CNTN6: variants seen among roughly 807,000 people sequenced by gnomAD.
The protein encoded by CNTN6 is contactin 6.
A neutral mutation model predicts 122.8 loss-of-function variants in CNTN6; 137 were observed. The ratio of observed to expected loss-of-function variants is 1.12; its 90% CI spans 0.97 to 1.29. The LOEUF is 1.29. Among genes scored for constraint, CNTN6 ranks in the 50% most tolerant of loss-of-function variants. The pLI is 0.00. For synonymous variants in CNTN6, 570 were observed against 426.0 expected (o/e 1.34, Z -4.16); for missense variants, 1,634 against 1,223.4 (o/e 1.34, Z -5.01).
chr3:1,316,070 T>G (rs879839268), intron 7 of CNTN6, among the ~76,000 whole-genome samples: 2 of 151,974 alleles, frequency 1.3e-5, no homozygotes, highest in Admixed American at 1.3e-4. Flanking sequence ...TTTTATTAAT[T>G]GAACACTCAA....
chr3:1,352,785 A>G (rs1705864250), intron 12 of CNTN6, among the ~76,000 whole-genome samples: 1 of 151,772 alleles, frequency 6.6e-6, no homozygotes, highest in Non-Finnish European at 1.5e-5. Context: ...TTTTTGGTCA[A>G]ATATCTTTCA....
chr3:1,328,238 A>G (rs1294714465), intron 10 of CNTN6, among the ~76,000 whole-genome samples: 1 of 151,872 alleles, frequency 6.6e-6, no homozygotes, highest in Non-Finnish European at 1.5e-5. Context: ...GGAGGTAGAA[A>G]AATAAGTCCC....
At chr3:1,115,750 T>C (rs1240887035) in intron 1 of CNTN6, among the ~76,000 whole-genome samples, 2 of 144,888 alleles carry the variant, frequency 1.4e-5, no homozygotes. Flanking sequence ...ATACTCTGTC[T>C]CAAAATAAAT....
intron 1 of CNTN6, among the ~76,000 whole-genome samples, chr3:1,124,508 T>G (rs1399272074): frequency 6.6e-6 from 1 of 151,796 alleles, no homozygotes; most frequent in Non-Finnish European, 1.5e-5. Flanking sequence ...CCCATAAGAA[T>G]GATATAATCG....
At chr3:1,187,321 C>T (rs1171882935) in intron 2 of CNTN6, among the ~76,000 whole-genome samples, 1 of 151,840 alleles carries the variant, frequency 6.6e-6, no homozygotes, top group Non-Finnish European at 1.5e-5. Context: ...CCTTACGTTC[C>T]TTTGAGCTAT....
At chr3:1,148,259 A>G (rs1007296594) in intron 2 of CNTN6, among the ~76,000 whole-genome samples, 196 bp downstream of exon 2, 1 of 152,130 alleles carries the variant, frequency 6.6e-6, no homozygotes, top group Non-Finnish European at 1.5e-5. Flanking sequence ...CCAGTTTTAA[A>G]TGGAAACTAA....
rs566385955 is a variant in CNTN6, at chr3:1,389,436, C to T, written c.2704+3639C>T. On this transcript the variant is annotated intron_variant, in intron 20 of 22. Transcript: ENST00000446702. ...AGCACTAAACATGGAAAGGAACAAC[C>T]GGTACCAGCCGCTGCAAAATCATGC... Among the ~76,000 whole-genome samples, 94 of 152,018 alleles carry T rather than the reference C, an allele frequency of 6.2e-4. 1 individual carries two copies. The highest frequency in any genetic ancestry group is 1.5e-3 in the African/African-American group (61 of 41,500).
intron 4 of CNTN6, among the ~76,000 whole-genome samples, chr3:1,259,844 T>C (rs562177835): frequency 2.0e-5 from 3 of 152,102 alleles, no homozygotes; most frequent in Admixed American, 2.0e-4. Flanking sequence ...CAGTATACTA[T>C]ATGTAATTAT....
chr3:1,159,274 G>C (rs2093066229), intron 2 of CNTN6, among the ~76,000 whole-genome samples: 1 of 151,836 alleles, frequency 6.6e-6, no homozygotes, highest in South Asian at 2.1e-4. Context: ...TGTTTCTTCA[G>C]TCTGATAACA....
In CNTN6 at chr3:1,382,979, G is replaced by C; in HGVS notation, c.2204G>C (p.Gly735Ala). 1.2e-6 allele frequency: 2 copies of C among 1,614,044 alleles called. No homozygotes were observed. Among genetic ancestry groups the C allele is most frequent in the Non-Finnish European group, 1.7e-6 (2 of 1,179,938 alleles). ...PEELQNGEGF[G>A]YIIMFRPVGS... is the part of the protein sequence containing the mutation. ...GAACTGCAGAATGGGGAGGGATTTGGATATATCATCATGTTCCGGCCAGTG... is the reference window on the plus strand; with the variant it reads ...GAACTGCAGAATGGGGAGGGATTTGCATATATCATCATGTTCCGGCCAGTG... Residue 735 changes from glycine (G) to alanine (A), a missense_variant, in exon 18 of 23, where the codon GGA (glycine) becomes GCA (alanine). Transcript: ENST00000446702.
chr3:1,368,759 A>C (rs1708577399), intron 12 of CNTN6, among the ~76,000 whole-genome samples: 1 of 152,186 alleles, frequency 6.6e-6, no homozygotes, highest in Non-Finnish European at 1.5e-5. Flanking sequence ...TGTATTTTGT[A>C]ATTTGTAAGT....
At position 1,295,781 on chromosome 3, in the gene CNTN6, C is replaced by G. The variant is rs759155088; in HGVS notation, c.635C>G (p.Thr212Ser). Residue 212 changes from threonine to serine, a missense_variant, in exon 6 of 23, where the codon ACT (threonine) becomes AGT (serine). Coordinates refer to ENST00000446702, the MANE Select transcript of CNTN6 (RefSeq NM_001289080.2). ...CAGAGAAGTGTTCAAGGTCCACCCA[C>G]TCCATTAGTGCAGCGCACTGATGGT... ...EAQRSVQGPPTPLVQRTDGVM... is the reference protein window; with the variant it reads ...EAQRSVQGPPSPLVQRTDGVM... The G allele has an allele frequency of 2.5e-6, 4 of 1,613,942 alleles. No individual in the cohort carries two copies. Among genetic ancestry groups the G allele is most frequent in the Middle Eastern group, 3.3e-4 (2 of 6,062 alleles).
chr3:1,342,864 C>T (rs543136311), intron 11 of CNTN6, among the ~76,000 whole-genome samples: 54 of 152,100 alleles, frequency 3.6e-4, no homozygotes, highest in African/African-American at 6.8e-4. Context: ...TAGAGTTGAC[C>T]GTTGGACAAC....
In CNTN6 at chr3:1,292,592, G is replaced by A. The variant is rs972248188; in HGVS notation, c.455-3009G>A. Reference sequence around the variant, plus strand: ...CTTTAGTGATTCTAATGTACATCAGGTGTGGGAATCAGTGCCTGCATAAAA... The same window carrying A: ...CTTTAGTGATTCTAATGTACATCAGATGTGGGAATCAGTGCCTGCATAAAA... On this transcript the variant is annotated intron_variant, in intron 5 of 22. Transcript: ENST00000446702. Among the ~76,000 whole-genome samples, 5 of 152,122 alleles carry A rather than the reference G, an allele frequency of 3.3e-5. No homozygotes were observed. The South Asian group carries it at 1.0e-3, about 32-fold the overall frequency.
Position 1,114,092 on chromosome 3 carries a change from A to G in CNTN6, c.-83+20972A>G, listed in dbSNP as rs2091605046. ...GCAATCAGGGAAGTCTTTAAGAAGT[A>G]GGTGGCATTCAACTAAAGAATACAC... On this transcript the variant is annotated intron_variant, in intron 1 of 22. Transcript: ENST00000446702. Among the ~76,000 whole-genome samples the G allele has an allele frequency of 5.9e-5, 9 of 152,328 alleles. No homozygotes were observed. The South Asian group carries it at 1.9e-3, about 32-fold the overall frequency.
chr3:1,187,624 C>G (rs950337718), intron 2 of CNTN6, among the ~76,000 whole-genome samples: 3 of 152,174 alleles, frequency 2.0e-5, no homozygotes, highest in African/African-American at 4.8e-5. Context: ...AGTGTCACAG[C>G]AGGGATCCAG....
intron 20 of CNTN6, among the ~76,000 whole-genome samples, chr3:1,388,316 C>A (rs569696793): frequency 6.8e-5 from 10 of 146,394 alleles, no homozygotes; most frequent in East Asian, 2.0e-4. Flanking sequence ...ACACCTCACA[C>A]GGCAGGGTAT....
chr3:1,233,713 C>T (rs1021879529), intron 4 of CNTN6, among the ~76,000 whole-genome samples: 3 of 96,736 alleles, frequency 3.1e-5, no homozygotes, highest in African/African-American at 1.3e-4. Flanking sequence ...CCAGTCTGGG[C>T]AACAGAACGA....
At chr3:1,339,409 C>T (rs140117014) in intron 11 of CNTN6, among the ~76,000 whole-genome samples, 24 of 152,192 alleles carry the variant, frequency 1.6e-4, no homozygotes, top group East Asian at 1.9e-4. Flanking sequence ...ATTTGACGGG[C>T]GTTGTGAAAG....
Sources: allele counts gnomAD v4.1 joint callset (sites outside exome capture counted in the v4.1 genomes callset), GRCh38; gene constraint gnomAD v4.1.1; transcripts MANE v1.5; gene names NCBI Gene and HGNC (gene_info 2026-07-23, HGNC 2026-07-21).